Variants in FHIT observed in about 807,000 individuals in gnomAD.
FHIT encodes the protein bis(5'-adenosyl)-triphosphatase.
A neutral mutation model predicts 17.9 loss-of-function variants in FHIT; 19 were observed. That is an observed-to-expected ratio of 1.06 (90% confidence interval 0.74 to 1.56). FHIT has a LOEUF of 1.56. Ranked by LOEUF, FHIT falls within the 40% of genes most tolerant of loss-of-function variation. The probability of loss-of-function intolerance (pLI) is 0.00; values close to 1 mark genes in which losing one functional copy is unlikely to be tolerated. For synonymous variants in FHIT, 81 were observed against 69.7 expected (o/e 1.16, Z -0.81); for missense variants, 248 against 189.2 (o/e 1.31, Z -1.82).
intron 5 of FHIT, among the ~76,000 whole-genome samples, chr3:60,298,547 T>A (rs1385647635): frequency 6.6e-6 from 1 of 152,164 alleles, no homozygotes; most frequent in Non-Finnish European, 1.5e-5. Context: ...CATCTTTGAC[T>A]TTTTCCCAAC....
intron 5 of FHIT, among the ~76,000 whole-genome samples, chr3:60,144,041 T>C (rs1271529697): frequency 6.6e-6 from 1 of 151,824 alleles, no homozygotes; most frequent in African/African-American, 2.4e-5. Context: ...GCCATGTGTA[T>C]GAAGACACAC....
intron 3 of FHIT, among the ~76,000 whole-genome samples, chr3:60,950,984 G>A (rs1708862597): frequency 6.6e-6 from 1 of 152,142 alleles, no homozygotes; most frequent in South Asian, 2.1e-4. Flanking sequence ...AAGAACAGTA[G>A]AAGAGAAATG....
intron 5 of FHIT, among the ~76,000 whole-genome samples, chr3:60,128,556 A>C (rs1381399148): frequency 2.0e-5 from 3 of 152,194 alleles, no homozygotes; most frequent in African/African-American, 7.2e-5. Flanking sequence ...CTTACTATGC[A>C]CTGAATTCTG....
chr3:61,107,477 G>C (rs1018372903), intron 2 of FHIT, among the ~76,000 whole-genome samples: 8 of 152,154 alleles, frequency 5.3e-5, no homozygotes, highest in South Asian at 2.1e-4. Flanking sequence ...ATTTCCTTTG[G>C]ATAACTACAC....
intron 8 of FHIT, among the ~76,000 whole-genome samples, chr3:59,827,447 G>C (rs1454484744): frequency 6.6e-6 from 1 of 152,228 alleles, no homozygotes; most frequent in Non-Finnish European, 1.5e-5. Flanking sequence ...AGAAGGTGTG[G>C]TTAACATGAC....
intron 8 of FHIT, among the ~76,000 whole-genome samples, chr3:59,798,800 T>G (rs1699880053): frequency 6.6e-6 from 1 of 152,248 alleles, no homozygotes; most frequent in African/African-American, 2.4e-5. Flanking sequence ...TGTTTGACTC[T>G]GTGGTTTTTA....
intron 5 of FHIT, among the ~76,000 whole-genome samples, chr3:60,016,987 A>C (rs1026434118): frequency 6.6e-6 from 1 of 152,220 alleles, no homozygotes; most frequent in African/African-American, 2.4e-5. Context: ...AGAAAATTAG[A>C]AACTTGCCAC....
intron 5 of FHIT, among the ~76,000 whole-genome samples, chr3:60,480,504 T>C (rs1473952739): frequency 6.6e-6 from 1 of 152,164 alleles, no homozygotes; most frequent in Non-Finnish European, 1.5e-5. Context: ...TCCCTTCCAC[T>C]TAGGAACCTG....
intron 1 of FHIT, among the ~76,000 whole-genome samples, chr3:61,215,961 G>C (rs907675479): frequency 6.9e-6 from 1 of 144,484 alleles, no homozygotes; most frequent in African/African-American, 2.6e-5. Flanking sequence ...GCTGAAACTG[G>C]ATCCCTTCCT....
At chr3:61,021,137 A>C (rs958317201) in intron 3 of FHIT, among the ~76,000 whole-genome samples, 5 of 152,166 alleles carry the variant, frequency 3.3e-5, no homozygotes, top group African/African-American at 1.2e-4. Context: ...GAAAACTAAC[A>C]AGAATATTCA....
At chr3:60,067,384 C>G (rs980286863) in intron 5 of FHIT, among the ~76,000 whole-genome samples, 1 of 152,148 alleles carries the variant, frequency 6.6e-6, no homozygotes, top group Non-Finnish European at 1.5e-5. Flanking sequence ...GAAAAACAGA[C>G]TATGAATGAA....
chr3:60,697,459 T>C (rs551267367), intron 4 of FHIT, among the ~76,000 whole-genome samples: 1 of 152,316 alleles, frequency 6.6e-6, no homozygotes, highest in East Asian at 1.9e-4. Context: ...TTAAATAGTA[T>C]GTTTCATTCT....
intron 5 of FHIT, among the ~76,000 whole-genome samples, chr3:60,174,509 A>T (rs998833819): frequency 6.6e-6 from 1 of 152,212 alleles, no homozygotes; most frequent in Non-Finnish European, 1.5e-5. Context: ...CTGGAAAAAA[A>T]GTCTATTATT....
intron 7 of FHIT, among the ~76,000 whole-genome samples, chr3:60,010,141 G>A (rs185412116): frequency 3.3e-4 from 51 of 152,266 alleles, no homozygotes; most frequent in African/African-American, 1.2e-3. Context: ...AAAAAATCTT[G>A]GAACCAAGTT....
At chr3:60,065,344 C>A (rs1288472824) in intron 5 of FHIT, among the ~76,000 whole-genome samples, 5 of 152,102 alleles carry the variant, frequency 3.3e-5, no homozygotes, top group Non-Finnish European at 7.4e-5. Context: ...AACCATGTCA[C>A]CGAGAGGCTT....
chr3:61,250,151 A>T (rs147882782), intron 1 of FHIT, among the ~76,000 whole-genome samples: 12 of 152,356 alleles, frequency 7.9e-5, no homozygotes, highest in Non-Finnish European at 1.5e-4. Flanking sequence ...CCCAGGAGAC[A>T]TCTCGCCGTG....
At chr3:60,689,382 T>G (rs1470876908) in intron 4 of FHIT, among the ~76,000 whole-genome samples, 3 of 152,220 alleles carry the variant, frequency 2.0e-5, no homozygotes, top group Non-Finnish European at 4.4e-5. Context: ...CATTATTCCC[T>G]AAACAATACA....
intron 1 of FHIT, among the ~76,000 whole-genome samples, chr3:61,214,635 G>A (rs1283156735): frequency 6.6e-6 from 1 of 151,970 alleles, no homozygotes; most frequent in African/African-American, 2.4e-5. Flanking sequence ...GAAAAAGAGG[G>A]AATCCTCCCT....
At chr3:59,863,100 C>T (rs887750800) in intron 8 of FHIT, among the ~76,000 whole-genome samples, 7 of 152,318 alleles carry the variant, frequency 4.6e-5, no homozygotes, top group Middle Eastern at 3.4e-3. Flanking sequence ...CCAAGGAATA[C>T]GGGCAGTACA....
Sources: allele counts gnomAD v4.1 joint callset (sites outside exome capture counted in the v4.1 genomes callset), GRCh38; gene constraint gnomAD v4.1.1; transcripts MANE v1.5; gene names NCBI Gene and HGNC (gene_info 2026-07-23, HGNC 2026-07-21).